Variants in ZFHX3 observed in about 807,000 individuals in gnomAD.
ZFHX3 encodes the protein zinc finger homeobox protein 3.
ZFHX3 carries 42 observed loss-of-function variants against 279.1 expected under a neutral mutation model. That is an observed-to-expected ratio of 0.15 (90% CI 0.12 to 0.19). The LOEUF is 0.19. ZFHX3 is among the 10% of genes least tolerant of loss of function. The probability of loss-of-function intolerance (pLI) is 1.00; values close to 1 mark genes in which losing one functional copy is unlikely to be tolerated. For synonymous variants in ZFHX3, 2,293 were observed against 1,957.8 expected (o/e 1.17, Z -4.52); for missense variants, 4,981 against 4,754.0 (o/e 1.05, Z -1.40).
intron 2 of ZFHX3, among the ~76,000 whole-genome samples, chr16:73,467,952 T>C (rs2018601331): frequency 6.6e-6 from 1 of 152,196 alleles, no homozygotes; most frequent in African/African-American, 2.4e-5. Flanking sequence ...CTGTAATTTA[T>C]CAGAGCTCTC....
At chr16:73,636,094 T>C (rs1224616201) in intron 2 of ZFHX3, among the ~76,000 whole-genome samples, 1 of 152,188 alleles carries the variant, frequency 6.6e-6, no homozygotes, top group Non-Finnish European at 1.5e-5. Flanking sequence ...AGTGAACTTA[T>C]CCATTCCCAT....
intron 2 of ZFHX3, among the ~76,000 whole-genome samples, chr16:73,561,856 A>C (rs957169037): frequency 2.6e-5 from 4 of 152,216 alleles, no homozygotes; most frequent in African/African-American, 9.6e-5. Context: ...CTCTGTGGGC[A>C]TCAGGATGAC....
intron 4 of ZFHX3, among the ~76,000 whole-genome samples, chr16:72,842,937 C>T (rs545699718): frequency 1.3e-5 from 2 of 152,242 alleles, no homozygotes; most frequent in South Asian, 4.2e-4. Context: ...TAAAAATCTA[C>T]CTGTGTAAAA....
intron 2 of ZFHX3, among the ~76,000 whole-genome samples, chr16:72,956,802 C>T (rs928212712): frequency 4.0e-5 from 6 of 148,598 alleles, no homozygotes; most frequent in African/African-American, 1.5e-4. Flanking sequence ...TCCAACTATT[C>T]TAATCACCAA....
intron 5 of ZFHX3, among the ~76,000 whole-genome samples, chr16:72,826,676 C>T (rs554633953): frequency 2.0e-5 from 3 of 152,082 alleles, no homozygotes; most frequent in Non-Finnish European, 4.4e-5. Context: ...TTGCAGGAGT[C>T]GGGAAAGAAT....
intron 5 of ZFHX3, among the ~76,000 whole-genome samples, chr16:73,205,210 A>C (rs1216692171): frequency 1.3e-5 from 2 of 152,144 alleles, no homozygotes; most frequent in African/African-American, 4.8e-5. Flanking sequence ...GAGAAAGGGT[A>C]TATCTAACCC....
At chr16:73,757,158 G>T (rs1333113037) in intron 1 of ZFHX3, among the ~76,000 whole-genome samples, 6 of 152,168 alleles carry the variant, frequency 3.9e-5, no homozygotes, top group Admixed American at 1.3e-4. Flanking sequence ...GGAAAAGATG[G>T]GTATGGCTGG....
chr16:73,671,460 T>C (rs2052903290), intron 2 of ZFHX3, among the ~76,000 whole-genome samples: 1 of 152,234 alleles, frequency 6.6e-6, no homozygotes, highest in Non-Finnish European at 1.5e-5. Context: ...GACAAATACA[T>C]GGTTGGTACC....
intron 1 of ZFHX3, among the ~76,000 whole-genome samples, chr16:73,795,190 T>TA (rs1017347350): frequency 5.3e-5 from 8 of 152,176 alleles, no homozygotes; most frequent in African/African-American, 1.9e-4. Context: ...GAGGATCAAA[T>TA]ACCCTGAGCA....
chr16:73,223,557 T>C (rs2012493604), intron 5 of ZFHX3, among the ~76,000 whole-genome samples: 1 of 152,134 alleles, frequency 6.6e-6, no homozygotes. Context: ...CCATATGAAA[T>C]ACTGGTGAGG....
intron 1 of ZFHX3, among the ~76,000 whole-genome samples, chr16:73,811,669 ACTC>A (rs1053578210): frequency 1.3e-5 from 2 of 151,158 alleles, no homozygotes; most frequent in Non-Finnish European, 3.0e-5. Flanking sequence ...CTGGTCTCGA[ACTC>A]CTCACCTCAT....
rs368597124 is a variant in ZFHX3 at position 73,334,810 on chromosome 16, CTTT to C, written c.-1290-16477_-1290-16475del. The stretch of plus-strand genomic sequence containing the variant: ...TCTTTTCCTCCTTTTCTTTCTCATT[CTTT>C]TTTTTTTTTTTTTTTTTTTTTTTGC... On this transcript the variant is annotated intron_variant, in intron 3 of 17. Coordinates refer to the ZFHX3 transcript ENST00000641206. 7.4e-4 allele frequency among the ~76,000 whole-genome samples: 43 copies of C among 57,914 alleles called. 2 individuals are homozygous for C. Among genetic ancestry groups the C allele is most frequent in the African/African-American group, 1.7e-3 (30 of 17,374 alleles). The allele number at this position is 57,914 out of a possible 152,430, so 38.0% of individuals were successfully genotyped here.
At position 72,840,904 on chromosome 16, in the gene ZFHX3, G is replaced by T. The variant is rs181880211; in HGVS notation, c.3449-11045C>A. On this transcript the variant is annotated intron_variant, in intron 4 of 9. Coordinates refer to ENST00000268489, the MANE Select transcript of ZFHX3 (RefSeq NM_006885.4). Reference sequence around the variant, plus strand: ...TTACACTTTCCAAACCAAATCTGGGGAACAGAAATCAGGCCAGCTTGAGGC... The same window carrying T: ...TTACACTTTCCAAACCAAATCTGGGTAACAGAAATCAGGCCAGCTTGAGGC... Among the ~76,000 whole-genome samples the T allele has an allele frequency of 8.6e-3, 1,307 of 152,296 alleles. 20 individuals are homozygous for T. Among genetic ancestry groups the T allele is most frequent in the South Asian group, 0.074 (356 of 4,814 alleles).
At chr16:73,444,919 A>T (rs924534112) in intron 3 of ZFHX3, among the ~76,000 whole-genome samples, 20 of 145,650 alleles carry the variant, frequency 1.4e-4, no homozygotes, top group African/African-American at 4.8e-4. Flanking sequence ...GGAGATTGAG[A>T]CCATCCTGGC....
chr16:73,364,002 G>A (rs988095547), intron 3 of ZFHX3, among the ~76,000 whole-genome samples: 6 of 152,072 alleles, frequency 3.9e-5, no homozygotes, highest in South Asian at 2.1e-4. Flanking sequence ...GTGAAACCCC[G>A]TCTCTACTAA....
chr16:73,130,306 C>T (rs1039048787), intron 7 of ZFHX3, among the ~76,000 whole-genome samples: 1 of 152,008 alleles, frequency 6.6e-6, no homozygotes, highest in Middle Eastern at 3.4e-3. Flanking sequence ...AGCTGTACTC[C>T]GACAGTCTCA....
At chr16:73,752,868 G>A (rs769026182) in intron 1 of ZFHX3, among the ~76,000 whole-genome samples, 1 of 152,194 alleles carries the variant, frequency 6.6e-6, no homozygotes, top group Non-Finnish European at 1.5e-5. Context: ...ACATCCTCCT[G>A]CAGTGCCAGA....
chr16:73,155,824 AAAAC>A (rs78841817), intron 5 of ZFHX3, among the ~76,000 whole-genome samples: 9 of 150,736 alleles, frequency 6.0e-5, no homozygotes, highest in Admixed American at 2.0e-4. Flanking sequence ...ACTCTGCCTC[AAAAC>A]AAACAAACAA....
chr16:72,870,541 C>A (rs980782552), intron 4 of ZFHX3, among the ~76,000 whole-genome samples: 1 of 151,852 alleles, frequency 6.6e-6, no homozygotes, highest in Non-Finnish European at 1.5e-5. Flanking sequence ...AACCCTGCCT[C>A]TACTAAAAAT....
Sources: gnomAD v4.1 joint callset for allele counts (sites outside exome capture counted in the v4.1 genomes callset) on GRCh38, gnomAD v4.1.1 for gene constraint, MANE v1.5 for transcripts, NCBI Gene and HGNC (gene_info 2026-07-23, HGNC 2026-07-21) for gene names.